KCMF1: variants seen among roughly 807,000 people sequenced by gnomAD.
KCMF1 encodes potassium channel modulatory factor 1, also known as E3 ubiquitin-protein ligase KCMF1.
Under a neutral mutation model 41.1 loss-of-function variants are expected in KCMF1, and 3 were observed. The ratio of observed to expected loss-of-function variants is 0.07; its 90% CI spans 0.03 to 0.19. KCMF1 has a LOEUF of 0.19. Ranked by LOEUF, KCMF1 falls within the 10% of genes least tolerant of loss-of-function variation. The pLI, the probability that KCMF1 is intolerant of heterozygous loss-of-function variation, is 1.00. For missense variants in KCMF1, 286 were observed against 488.9 expected, an observed-to-expected ratio of 0.58 and a Z score of 3.91; for synonymous variants, 142 against 164.5, an observed-to-expected ratio of 0.86 and a Z score of 1.04.
rs76988472 is a variant in KCMF1, at chr2:84,997,317, G to A, written c.16+25850G>A. ...TTTTCCATTTTCATTTGGCTTATAC[G>A]TAGTGTCTTGGTTCCCCAAAAGATA... On this transcript the variant is annotated intron_variant, in intron 1 of 6. Coordinates refer to ENST00000409785, the MANE Select transcript of KCMF1 (RefSeq NM_020122.5). Among the ~76,000 whole-genome samples, 844 of 151,708 alleles carry A rather than the reference G, an allele frequency of 5.6e-3. 4 individuals are homozygous for A. Among genetic ancestry groups the A allele is most frequent in the African/African-American group, 0.019 (793 of 41,350 alleles).
At chr2:85,024,347 C>T (rs1190626923) in intron 1 of KCMF1, among the ~76,000 whole-genome samples, 1 of 152,164 alleles carries the variant, frequency 6.6e-6, no homozygotes, top group Non-Finnish European at 1.5e-5. Flanking sequence ...GTGCCAGGCG[C>T]CTATGATCCC....
At position 85,057,751 on chromosome 2, in the gene KCMF1, A is replaced by C. The variant is rs569695330; in HGVS notation, c.*4342A>C. 6.6e-6 allele frequency: 1 copy of C among 152,340 alleles called. No individual in the cohort carries two copies. The highest frequency in any genetic ancestry group is 2.4e-5 in the African/African-American group (1 of 41,588). 9.4% of individuals were successfully genotyped at this position (152,340 alleles called of 1,614,324 possible). A position where few individuals can be genotyped will look rare whatever the true frequency, so the allele number is the denominator to read the frequency against. On this transcript the variant is annotated 3_prime_UTR_variant, in exon 7 of 7. Coordinates refer to ENST00000409785, the MANE Select transcript of KCMF1 (RefSeq NM_020122.5). The stretch of plus-strand genomic sequence containing the variant: ...TTCGTTATTTAAGGAACCCTGCAGC[A>C]GACCTCGAATAAAATGTGACTTGAT...
intron 2 of KCMF1, among the ~76,000 whole-genome samples, chr2:85,034,003 T>C (rs1466832859): frequency 1.4e-5 from 2 of 148,012 alleles, no homozygotes; most frequent in Non-Finnish European, 3.0e-5. Context: ...GGCAACATGG[T>C]GGGACCCCAT....
chr2:85,041,720 A>G (rs1375462751), intron 3 of KCMF1, among the ~76,000 whole-genome samples: 1 of 151,670 alleles, frequency 6.6e-6, no homozygotes. Context: ...TTATTTTTAA[A>G]TAACTGGAAC....
chr2:84,972,565 T>G (rs1265908043), intron 1 of KCMF1, among the ~76,000 whole-genome samples: 1 of 152,202 alleles, frequency 6.6e-6, no homozygotes, highest in Non-Finnish European at 1.5e-5. Flanking sequence ...GCTTGAAAGT[T>G]TGTGTACTCC....
intron 1 of KCMF1, among the ~76,000 whole-genome samples, chr2:84,981,464 C>T (rs1157818955): frequency 6.6e-6 from 1 of 152,130 alleles, no homozygotes; most frequent in Non-Finnish European, 1.5e-5. Flanking sequence ...GCTGGGATTA[C>T]AGGCGTGAGC....
chr2:85,028,225 C>A (rs570891902), intron 2 of KCMF1, among the ~76,000 whole-genome samples, 169 bp downstream of exon 2: 13 of 152,202 alleles, frequency 8.5e-5, no homozygotes, highest in South Asian at 6.2e-4. Context: ...TCTTGTTGCC[C>A]AGGCTGGAGT....
At chr2:85,003,026 A>G (rs2103991958) in intron 1 of KCMF1, among the ~76,000 whole-genome samples, 1 of 152,302 alleles carries the variant, frequency 6.6e-6, no homozygotes, top group East Asian at 1.9e-4. Flanking sequence ...AATGCAATCT[A>G]AGCTTGCTTG....
intron 5 of KCMF1, among the ~76,000 whole-genome samples, chr2:85,046,855 C>T (rs1260089931): frequency 6.6e-6 from 1 of 152,094 alleles, no homozygotes; most frequent in Non-Finnish European, 1.5e-5. Flanking sequence ...CCACAACCAA[C>T]TACAGTCAAA....
Position 84,971,483 on chromosome 2 carries a change from G to A in KCMF1, c.16+16G>A. 8.1e-7 allele frequency: 1 copy of A among 1,236,922 alleles called. No homozygotes were observed. The highest frequency in any genetic ancestry group is 4.4e-5 in the East Asian group (1 of 22,612). The allele number at this position is 1,236,922 out of a possible 1,614,324, so 76.6% of individuals were successfully genotyped here. ...CGACATGAAGGTGAGAGGAGCCCCC[G>A]CCCCCACCCGCACCTCCCGGGCCTC... On this transcript the variant is annotated intron_variant, in intron 1 of 6. Coordinates refer to ENST00000409785, the MANE Select transcript of KCMF1 (RefSeq NM_020122.5).
At chr2:84,989,378 G>T (rs1673982539) in intron 1 of KCMF1, among the ~76,000 whole-genome samples, 1 of 152,194 alleles carries the variant, frequency 6.6e-6, no homozygotes, top group Admixed American at 6.5e-5. Flanking sequence ...GGAAGGCATA[G>T]ATAGCATTGC....
At chr2:85,022,572 T>C (rs1266737922) in intron 1 of KCMF1, among the ~76,000 whole-genome samples, 3 of 152,208 alleles carry the variant, frequency 2.0e-5, no homozygotes, top group Non-Finnish European at 2.9e-5. Context: ...AGCTTTGCTT[T>C]CTGTTTTTTT....
chr2:85,002,622 T>C (rs1360875590), intron 1 of KCMF1, among the ~76,000 whole-genome samples: 3 of 152,082 alleles, frequency 2.0e-5, no homozygotes, highest in African/African-American at 7.2e-5. Context: ...GTGTTTTTTT[T>C]TTTTCACTAA....
At chr2:84,988,004 T>C (rs1179583231) in intron 1 of KCMF1, among the ~76,000 whole-genome samples, 2 of 152,100 alleles carry the variant, frequency 1.3e-5, no homozygotes, top group African/African-American at 4.8e-5. Context: ...GCAGATCACC[T>C]GAGGTCGGGA....
intron 1 of KCMF1, among the ~76,000 whole-genome samples, chr2:84,977,480 G>A (rs992500043): frequency 6.6e-6 from 1 of 151,942 alleles, no homozygotes; most frequent in Admixed American, 6.6e-5. Context: ...CCCATGCTGC[G>A]CACCAGCATA....
chr2:85,021,195 A>G (rs973548479), intron 1 of KCMF1, among the ~76,000 whole-genome samples: 1 of 152,172 alleles, frequency 6.6e-6, no homozygotes, highest in Non-Finnish European at 1.5e-5. Context: ...TGATGCCATC[A>G]TTTGGTTGTC....
At chr2:85,019,085 C>T (rs1442282394) in intron 1 of KCMF1, among the ~76,000 whole-genome samples, 1 of 152,188 alleles carries the variant, frequency 6.6e-6, no homozygotes, top group Non-Finnish European at 1.5e-5. Flanking sequence ...GATATCTCAT[C>T]AGAAGCAACT....
At position 85,028,112 on chromosome 2, in the gene KCMF1, G is replaced by T. The variant is rs920472329; in HGVS notation, c.184+56G>T. 8 of 1,165,588 alleles carry T rather than the reference G, an allele frequency of 6.9e-6. No homozygotes were observed. The African/African-American group carries it at 1.2e-4, about 18-fold the overall frequency. 72.2% of individuals were successfully genotyped at this position (1,165,588 alleles called of 1,614,324 possible). ...CATTTAGAATTTTATGTACGTTGAAGAAGTAAAGGCAAAGTGTTCTAAAAC... is the reference window on the plus strand; with the variant it reads ...CATTTAGAATTTTATGTACGTTGAATAAGTAAAGGCAAAGTGTTCTAAAAC... On this transcript the variant is annotated intron_variant, in intron 2 of 6. Coordinates refer to ENST00000409785, the MANE Select transcript of KCMF1 (RefSeq NM_020122.5).
intron 1 of KCMF1, among the ~76,000 whole-genome samples, chr2:85,014,304 C>T (rs977531916): frequency 9.2e-5 from 14 of 151,990 alleles, no homozygotes; most frequent in African/African-American, 2.4e-4. Context: ...TATATATCTC[C>T]GTATCATAAT....
Sources: allele counts gnomAD v4.1 joint callset (sites outside exome capture counted in the v4.1 genomes callset), GRCh38; gene constraint gnomAD v4.1.1; transcripts MANE v1.5; gene names NCBI Gene and HGNC (gene_info 2026-07-23, HGNC 2026-07-21).